NCKAP5: variants seen among roughly 807,000 people sequenced by gnomAD.
NCKAP5 encodes nck-associated protein 5.
In NCKAP5, 92 loss-of-function variants were observed where a neutral mutation model predicts 167.0. That is an observed-to-expected ratio of 0.55 (90% CI 0.47 to 0.66). NCKAP5 has a LOEUF of 0.66. NCKAP5 is among the 30% of genes least tolerant of loss of function. NCKAP5 has a pLI of 0.00. For synonymous variants in NCKAP5, 891 were observed against 877.4 expected (o/e 1.02, Z -0.27); for missense variants, 2,378 against 2,315.0 (o/e 1.03, Z -0.56).
chr2:133,363,931 C>T (rs917280019), intron 3 of NCKAP5, among the ~76,000 whole-genome samples: 3 of 152,110 alleles, frequency 2.0e-5, no homozygotes, highest in Non-Finnish European at 2.9e-5. Flanking sequence ...GAGATTTAAA[C>T]AATGGCAACA....
intron 5 of NCKAP5, among the ~76,000 whole-genome samples, chr2:133,142,236 C>T (rs558796040): frequency 6.6e-6 from 1 of 152,232 alleles, no homozygotes; most frequent in African/African-American, 2.4e-5. Flanking sequence ...TCAAGGAGAA[C>T]ATCACAACAG....
At chr2:133,662,982 C>T in the NCKAP5 span, among the ~76,000 whole-genome samples, 2 of 151,940 alleles carry the variant, frequency 1.3e-5, no homozygotes, top group African/African-American at 2.4e-5. Flanking sequence ...AAAAAAATGC[C>T]GGGGCCGGGC....
At chr2:133,228,855 T>TA (rs2087013322) in intron 4 of NCKAP5, among the ~76,000 whole-genome samples, 1 of 152,114 alleles carries the variant, frequency 6.6e-6, no homozygotes, top group African/African-American at 2.4e-5. Context: ...ATATTCTTTG[T>TA]AAAAAATCAA....
At chr2:132,770,924 C>G (rs571598143) in intron 16 of NCKAP5, among the ~76,000 whole-genome samples, 2 of 152,230 alleles carry the variant, frequency 1.3e-5, no homozygotes, top group East Asian at 3.9e-4. Flanking sequence ...TGTGGTGATG[C>G]TGGTGTATAA....
intron 8 of NCKAP5, among the ~76,000 whole-genome samples, chr2:132,921,813 A>G (rs1373259415): frequency 1.3e-5 from 2 of 151,616 alleles, no homozygotes; most frequent in Non-Finnish European, 2.9e-5. Context: ...CAGCACCTCC[A>G]CTCCTCCTGC....
chr2:133,446,601 T>C (rs1691208315), intron 3 of NCKAP5, among the ~76,000 whole-genome samples: 1 of 152,126 alleles, frequency 6.6e-6, no homozygotes, highest in African/African-American at 2.4e-5. Context: ...AAGTCGTGTG[T>C]ATGAGCACCA....
At chr2:132,983,670 G>A (rs2077203483) in intron 7 of NCKAP5, among the ~76,000 whole-genome samples, 1 of 152,172 alleles carries the variant, frequency 6.6e-6, no homozygotes, top group Non-Finnish European at 1.5e-5. Context: ...GTTTGCCTCT[G>A]TGTTTGAATG....
chr2:133,231,367 C>A (rs770546242), intron 4 of NCKAP5, among the ~76,000 whole-genome samples: 3 of 152,090 alleles, frequency 2.0e-5, no homozygotes, highest in Non-Finnish European at 4.4e-5. Flanking sequence ...CATATTCACC[C>A]TTTGTTACCT....
chr2:133,505,590 G>T (rs1474129672), intron 3 of NCKAP5, among the ~76,000 whole-genome samples: 1 of 152,032 alleles, frequency 6.6e-6, no homozygotes, highest in African/African-American at 2.4e-5. Context: ...AATAAGAGAC[G>T]ATCACCTCTA....
intron 5 of NCKAP5, among the ~76,000 whole-genome samples, chr2:133,183,916 A>G (rs905410673): frequency 2.0e-5 from 3 of 152,184 alleles, no homozygotes; most frequent in Non-Finnish European, 4.4e-5. Context: ...GTATTTCTAT[A>G]TATTATCAGC....
chr2:132,926,159 C>G (rs533534379), intron 8 of NCKAP5: 2 of 367,514 alleles, frequency 5.4e-6, no homozygotes, highest in African/African-American at 4.2e-5. Context: ...GTTTCTGTTT[C>G]TGAGTTATTT....
chr2:133,538,584 A>C (rs538797926), intron 2 of NCKAP5, among the ~76,000 whole-genome samples: 27 of 152,134 alleles, frequency 1.8e-4, no homozygotes, highest in Non-Finnish European at 3.8e-4. Flanking sequence ...GGAAAAGGAC[A>C]CCGAAGTCTT....
chr2:132,947,661 C>T (rs1241829967), intron 8 of NCKAP5, among the ~76,000 whole-genome samples: 1 of 152,094 alleles, frequency 6.6e-6, no homozygotes, highest in Non-Finnish European at 1.5e-5. Flanking sequence ...GAGCTCTGTC[C>T]AATAGGAATT....
chr2:133,033,701 G>A (rs1235707477), intron 6 of NCKAP5, among the ~76,000 whole-genome samples: 1 of 152,064 alleles, frequency 6.6e-6, no homozygotes, highest in Non-Finnish European at 1.5e-5. Context: ...TAATTCTGGA[G>A]TTGAAAAATA....
chr2:133,549,701 C>A (rs1687103160), intron 2 of NCKAP5, among the ~76,000 whole-genome samples: 1 of 136,494 alleles, frequency 7.3e-6, no homozygotes. Flanking sequence ...AAAGCAAGAG[C>A]AAACACATTC....
At chr2:133,210,656 T>C (rs2086172557) in intron 5 of NCKAP5, among the ~76,000 whole-genome samples, 1 of 152,042 alleles carries the variant, frequency 6.6e-6, no homozygotes, top group South Asian at 2.1e-4. Context: ...ACTTCAGAAA[T>C]AAATGAATTC....
At chr2:133,347,020 A>G (rs1684023630) in intron 3 of NCKAP5, among the ~76,000 whole-genome samples, 1 of 152,206 alleles carries the variant, frequency 6.6e-6, no homozygotes. Flanking sequence ...TTACTGCACC[A>G]AAGGTTGACA....
intron 3 of NCKAP5, among the ~76,000 whole-genome samples, chr2:133,493,443 T>C (rs532549149): frequency 6.6e-6 from 1 of 152,322 alleles, no homozygotes; most frequent in Non-Finnish European, 1.5e-5. Flanking sequence ...ATATGAAAAC[T>C]GGTAATAGTT....
chr2:132,982,504 A>C (rs1044544467), intron 7 of NCKAP5, among the ~76,000 whole-genome samples: 4 of 152,168 alleles, frequency 2.6e-5, no homozygotes, highest in Non-Finnish European at 5.9e-5. Flanking sequence ...GCAGTCTTTT[A>C]AAAAAATATA....
Sources: gnomAD v4.1 joint callset for allele counts (sites outside exome capture counted in the v4.1 genomes callset) on GRCh38, gnomAD v4.1.1 for gene constraint, MANE v1.5 for transcripts, NCBI Gene and HGNC (gene_info 2026-07-23, HGNC 2026-07-21) for gene names.